Variants in NPL observed in about 807,000 individuals in gnomAD.
NPL encodes the protein N-acetylneuraminate lyase.
In NPL, 32 loss-of-function variants were observed where a neutral mutation model predicts 41.1. The ratio of observed to expected loss-of-function variants is 0.78; its 90% CI spans 0.59 to 1.05. The LOEUF (loss-of-function observed/expected upper bound fraction) is 1.05. Ranked by LOEUF, NPL falls within the 50% of genes least tolerant of loss-of-function variation. NPL has a pLI of 0.00. For missense variants in NPL, 321 were observed against 378.4 expected, an observed-to-expected ratio of 0.85 and a Z score of 1.26; for synonymous variants, 128 against 134.9, an observed-to-expected ratio of 0.95 and a Z score of 0.35.
At position 182,825,834 on chromosome 1, in the gene NPL, ATCT is replaced by A; in HGVS notation, c.778+18_778+20del. On this transcript the variant is annotated intron_variant, in intron 12 of 12. Coordinates refer to ENST00000367553, the MANE Select transcript of NPL (RefSeq NM_030769.3). The stretch of plus-strand genomic sequence containing the variant: ...TTGTCAAACTAGGTAAGTGCCACCC[ATCT>A]TCTGCTTTGTCTGCTGCTGGAGACT... 1 of 1,595,684 alleles carries A rather than the reference ATCT, an allele frequency of 6.3e-7. No homozygotes were observed. Among genetic ancestry groups the A allele is most frequent in the Non-Finnish European group, 8.6e-7 (1 of 1,166,188 alleles).
chr1:182,810,189 C>T (rs1407914350), intron 5 of NPL, among the ~76,000 whole-genome samples: 1 of 152,164 alleles, frequency 6.6e-6, no homozygotes, highest in Admixed American at 6.5e-5. Context: ...ACTGGGAAGA[C>T]TGCATTCACA....
chr1:182,819,132 C>T (rs1160094310), intron 10 of NPL, among the ~76,000 whole-genome samples: 1 of 151,744 alleles, frequency 6.6e-6, no homozygotes, highest in Admixed American at 6.6e-5. Flanking sequence ...CCAGCCTGGC[C>T]AACATGGTGA....
chr1:182,813,516 G>A (rs561311959), intron 6 of NPL, among the ~76,000 whole-genome samples: 101 of 152,326 alleles, frequency 6.6e-4, no homozygotes, highest in Non-Finnish European at 1.2e-3. Flanking sequence ...GCAGTGTGGT[G>A]TAGGGTATAT....
rs193141545 is a variant in NPL, at chr1:182,803,762, A to G, written c.133A>G (p.Asn45Asp). Reference sequence around the variant, plus strand: ...TCTTGTGAAAGAACAGGGAGTGAAGAACATTTTTGGTAAGTCAACTCTGGG... The same window carrying G: ...TCTTGTGAAAGAACAGGGAGTGAAGGACATTTTTGGTAAGTCAACTCTGGG... ...DYLVKEQGVK[N>D]IFVNGTTGEG... is the part of the protein sequence containing the mutation. The change falls in exon 4 of 13, where the codon AAC (asparagine) becomes GAC (aspartate). Residue 45 changes from asparagine to aspartate, a missense_variant. Asn to Asp is a conservative substitution (Grantham distance 23, BLOSUM62 1). Coordinates refer to ENST00000367553, the MANE Select transcript of NPL (RefSeq NM_030769.3). 427 of 1,611,324 alleles carry G rather than the reference A, an allele frequency of 2.6e-4. 4 individuals are homozygous for G. In the East Asian group the frequency reaches 7.8e-3, roughly 29 times the overall value.
At chr1:182,822,328 T>G (rs1667512115) in intron 11 of NPL, 129 bp downstream of exon 11, 4 of 714,496 alleles carry the variant, frequency 5.6e-6, no homozygotes, top group South Asian at 3.1e-5. Context: ...ACCTTTCTTC[T>G]GTTTTGTACT....
At chr1:182,819,488 G>A (rs1183984301) in intron 10 of NPL, among the ~76,000 whole-genome samples, 1 of 151,734 alleles carries the variant, frequency 6.6e-6, no homozygotes, top group Non-Finnish European at 1.5e-5. Flanking sequence ...GCAGGCACCT[G>A]TAATCCCAGC....
chr1:182,824,413 T>C (rs1667574194), intron 11 of NPL, among the ~76,000 whole-genome samples: 1 of 152,224 alleles, frequency 6.6e-6, no homozygotes, highest in Non-Finnish European at 1.5e-5. Context: ...TTATTTCTAG[T>C]ATACAGTCAG....
intron 10 of NPL, 79 bp downstream of exon 10, chr1:182,818,938 C>T: frequency 8.6e-7 from 1 of 1,159,698 alleles, no homozygotes; most frequent in Non-Finnish European, 1.3e-6. Context: ...GTATTTCTTG[C>T]ATGTGTATCC....
At chr1:182,800,490 C>T (rs938003104) in intron 3 of NPL, among the ~76,000 whole-genome samples, 5 of 145,662 alleles carry the variant, frequency 3.4e-5, no homozygotes, top group African/African-American at 1.0e-4. Context: ...GAATTATTTT[C>T]GCCCTAACCC....
At chr1:182,818,007 ACCCCTC>A (rs1439909165) in intron 8 of NPL, among the ~76,000 whole-genome samples, 2 of 151,926 alleles carry the variant, frequency 1.3e-5, no homozygotes, top group Admixed American at 6.6e-5. Flanking sequence ...TGAAAGTTCC[ACCCCTC>A]TAAGTACATG....
At chr1:182,827,029 C>G (rs962960213) in intron 12 of NPL, 2 of 152,186 alleles carry the variant, frequency 1.3e-5, no homozygotes, top group Non-Finnish European at 2.9e-5. Context: ...TGGTCAGTCT[C>G]TCTGTCTGTC....
chr1:182,799,102 A>G (rs1666759950), intron 3 of NPL, among the ~76,000 whole-genome samples: 1 of 152,206 alleles, frequency 6.6e-6, no homozygotes, highest in African/African-American at 2.4e-5. Flanking sequence ...ACAAACAGCA[A>G]TAGGGATTTC....
chr1:182,803,035 G>C (rs908966276), intron 3 of NPL, among the ~76,000 whole-genome samples: 1 of 152,154 alleles, frequency 6.6e-6, no homozygotes, highest in Non-Finnish European at 1.5e-5. Context: ...AAATACAGAT[G>C]GGTTTAAGAC....
intron 10 of NPL, among the ~76,000 whole-genome samples, chr1:182,821,111 C>G (rs140023673): frequency 1.3e-3 from 195 of 152,304 alleles, no homozygotes; most frequent in African/African-American, 3.9e-3. Flanking sequence ...CTTCCTTGCT[C>G]TATTGCCACA....
Position 182,791,554 on chromosome 1 carries a change from G to T in NPL, c.-71-678G>T, listed in dbSNP as rs145577621. ...GGTGTGGATTGAAGAAGAGAAGAGG[G>T]ATTAGGACAGTGATTCCTAACCCCT... On this transcript the variant is annotated intron_variant, in intron 1 of 12. Coordinates refer to ENST00000367553, the MANE Select transcript of NPL (RefSeq NM_030769.3). Among the ~76,000 whole-genome samples the T allele has an allele frequency of 4.6e-5, 7 of 152,232 alleles. No individual in the cohort carries two copies. The East Asian group carries it at 9.7e-4, about 21-fold the overall frequency.
intron 6 of NPL, among the ~76,000 whole-genome samples, chr1:182,812,936 C>T (rs773338996): frequency 9.2e-5 from 14 of 151,870 alleles, no homozygotes; most frequent in Non-Finnish European, 1.8e-4. Context: ...AGGCAGATCA[C>T]GAGGTCAGGA....
intron 3 of NPL, among the ~76,000 whole-genome samples, chr1:182,799,809 A>C (rs1666782891): frequency 6.6e-6 from 1 of 152,104 alleles, no homozygotes; most frequent in Non-Finnish European, 1.5e-5. Flanking sequence ...CAGGAATTGA[A>C]ATTAAGACAT....
At position 182,829,518 on chromosome 1, in the gene NPL, T is replaced by C. The variant is rs1667714037; in HGVS notation, c.*610T>C. The C allele has an allele frequency of 1.4e-5, 21 of 1,510,988 alleles. No individual in the cohort carries two copies. The highest frequency in any genetic ancestry group is 6.2e-5 in the Admixed American group (3 of 48,466). 93.6% of individuals were successfully genotyped at this position (1,510,988 alleles called of 1,614,324 possible). A position where few individuals can be genotyped will look rare whatever the true frequency, so the allele number is the denominator to read the frequency against. ...AGGTGAGGACTTGTTTCAGTTCCTA[T>C]AACTAAGTAAAGGGCGGCTTTCTCA... On this transcript the variant is annotated 3_prime_UTR_variant, in exon 13 of 13. Coordinates refer to ENST00000367553, the MANE Select transcript of NPL (RefSeq NM_030769.3).
chr1:182,822,903 G>A (rs1437551981), intron 11 of NPL, among the ~76,000 whole-genome samples: 1 of 152,208 alleles, frequency 6.6e-6, no homozygotes, highest in Non-Finnish European at 1.5e-5. Context: ...GTCTTGCTCT[G>A]TTGCCCAGGC....
Sources: gnomAD v4.1 joint callset for allele counts (sites outside exome capture counted in the v4.1 genomes callset) on GRCh38, gnomAD v4.1.1 for gene constraint, MANE v1.5 for transcripts, NCBI Gene and HGNC (gene_info 2026-07-23, HGNC 2026-07-21) for gene names.